The following DCLRE1B variants were observed in gnomAD, a reference collection of about 807,000 sequenced individuals.
The protein encoded by DCLRE1B is DNA cross-link repair 1B.
A neutral mutation model predicts 19.8 loss-of-function variants in DCLRE1B; 6 were observed. That is an observed-to-expected ratio of 0.30 (90% CI 0.17 to 0.60). The LOEUF (loss-of-function observed/expected upper bound fraction) is 0.60, where lower values mean the gene tolerates loss of function less well. DCLRE1B is among the 20% of genes least tolerant of loss of function. DCLRE1B has a pLI of 0.87. For synonymous variants in DCLRE1B, 258 were observed against 255.7 expected (o/e 1.01, Z -0.09); for missense variants, 622 against 654.2 (o/e 0.95, Z 0.54).
At chr1:113,907,756 G>A (rs1214806361) in intron 2 of DCLRE1B, among the ~76,000 whole-genome samples, 1 of 152,174 alleles carries the variant, frequency 6.6e-6, no homozygotes, top group African/African-American at 2.4e-5. Context: ...TTACAGGTGT[G>A]AGCCACTGCG....
chr1:113,911,012 T>G, intron 3 of DCLRE1B, 119 bp from the exon 4 acceptor site: 1 of 959,116 alleles, frequency 1.0e-6, no homozygotes, highest in Admixed American at 2.8e-5. Flanking sequence ...ATATTCTCCC[T>G]GGATTTCTCC....
intron 3 of DCLRE1B, among the ~76,000 whole-genome samples, chr1:113,910,441 C>G (rs1467433186): frequency 6.6e-6 from 1 of 152,134 alleles, no homozygotes; most frequent in Admixed American, 6.5e-5. Context: ...CTTGCCCATC[C>G]TTTAAGATTT....
chr1:113,911,921 T>C lies in DCLRE1B; in HGVS notation c.1329T>C (p.Ile443=). The C allele has an allele frequency of 6.2e-7, 1 of 1,614,178 alleles. No individual in the cohort carries two copies. The highest frequency in any genetic ancestry group is 8.5e-7 in the Non-Finnish European group (1 of 1,180,032). The change falls in exon 4 of 4, where the codon ATT becomes ATC. Residue 443 remains isoleucine, a synonymous_variant. Transcript: ENST00000650450. ...VHLRSTDEEF[I]SQKTREEIGL... ...TAAGGTCTACAGATGAGGAGTTTAT[T>C]TCTCAAAAAACCAGGGAGGAAATTG...
At position 113,912,039 on chromosome 1, in the gene DCLRE1B, C is replaced by T; in HGVS notation, c.1447C>T (p.Leu483=). 1 of 1,614,238 alleles carries T rather than the reference C, an allele frequency of 6.2e-7. No homozygotes were observed. The highest frequency in any genetic ancestry group is 8.5e-7 in the Non-Finnish European group (1 of 1,180,038). ...TGCCTGGATGGGCCATGGTTCTCCCCTGTCCCACAGCAGCAAGGGCACCCC... is the reference window on the plus strand; with the variant it reads ...TGCCTGGATGGGCCATGGTTCTCCCTTGTCCCACAGCAGCAAGGGCACCCC... ...QSAWMGHGSP[L]SHSSKGTPLL... is the part of the protein sequence containing the mutation. Residue 483 remains leucine, a synonymous_variant, in exon 4 of 4, where the codon CTG becomes TTG. Coordinates refer to ENST00000650450, the MANE Select transcript of DCLRE1B (RefSeq NM_022836.4).
At position 113,905,783 on chromosome 1, in the gene DCLRE1B, G is replaced by C. The variant is rs1337217407; in HGVS notation, c.189+8G>C. 1 of 1,604,544 alleles carries C rather than the reference G, an allele frequency of 6.2e-7. No homozygotes were observed. The highest frequency in any genetic ancestry group is 1.1e-5 in the South Asian group (1 of 90,438). ...TTGCATCGTCACCTACAGGTATGGGGCTGGAGTCGGTCTCCGAGAGCTGGT... is the reference window on the plus strand; with the variant it reads ...TTGCATCGTCACCTACAGGTATGGGCCTGGAGTCGGTCTCCGAGAGCTGGT... On this transcript the variant is annotated splice_region_variant and intron_variant, in intron 1 of 3. Coordinates refer to ENST00000650450, the MANE Select transcript of DCLRE1B (RefSeq NM_022836.4).
chr1:113,908,110 C>T lies in DCLRE1B; in HGVS notation c.457C>T (p.Leu153=). The T allele has an allele frequency of 6.2e-7, 1 of 1,614,224 alleles. No individual in the cohort carries two copies. Residue 153 remains leucine, a synonymous_variant, in exon 3 of 4, where the codon CTG becomes TTG. Transcript: ENST00000650450. ...YLDNTNCNPA[L]VLPSRQEAAH... is the part of the protein sequence containing the mutation. The stretch of plus-strand genomic sequence containing the variant: ...AGACAACACCAATTGCAATCCAGCC[C>T]TGGTTCTTCCTTCCCGACAAGAAGC...
chr1:113,909,127 T>G (rs1146148), intron 3 of DCLRE1B, among the ~76,000 whole-genome samples: 3,593 of 152,320 alleles, frequency 0.024, 146 homozygotes, highest in African/African-American at 0.082. Flanking sequence ...ACTATGGCAG[T>G]CTCTGTTTTA....
At position 113,912,228 on chromosome 1, in the gene DCLRE1B, AC is replaced by A; in HGVS notation, c.*38del. The A allele has an allele frequency of 6.5e-7, 1 of 1,547,076 alleles. No individual in the cohort carries two copies. Among genetic ancestry groups the A allele is most frequent in the Middle Eastern group, 1.8e-4 (1 of 5,480 alleles). On this transcript the variant is annotated 3_prime_UTR_variant, in exon 4 of 4. Transcript: ENST00000650450. ...TACAGAATGACAACATTGAGCCCAC[AC>A]TGCAGTTTTGAAGATAGTAACTGAT... is the stretch of plus-strand genomic sequence containing the variant.
chr1:113,905,343 C>G lies in DCLRE1B; in HGVS notation c.-244C>G. ...CAGCGCGCGCTTTGAGTGCCCGGCT[C>G]GGCCTCCGCTCCCGCGCGGTTGGGA... On this transcript the variant is annotated 5_prime_UTR_variant, in exon 1 of 4. Coordinates refer to ENST00000650450, the MANE Select transcript of DCLRE1B (RefSeq NM_022836.4). 2.0e-6 allele frequency: 1 copy of G among 512,650 alleles called. No homozygotes were observed. The highest frequency in any genetic ancestry group is 3.5e-5 in the East Asian group (1 of 28,774). The allele number at this position is 512,650 out of a possible 1,614,324, so 31.8% of individuals were successfully genotyped here.
chr1:113,912,514 T>C lies in DCLRE1B; in HGVS notation c.*323T>C, dbSNP rs1050092223. ...GTTTAACCCAGTATTTCTCAAACTT[T>C]TGTGAACATGCAATCATCTTATGTG... is the stretch of plus-strand genomic sequence containing the variant. On this transcript the variant is annotated 3_prime_UTR_variant, in exon 4 of 4. Coordinates refer to ENST00000650450, the MANE Select transcript of DCLRE1B (RefSeq NM_022836.4). The C allele has an allele frequency of 2.9e-5, 6 of 208,648 alleles. No homozygotes were observed. Among genetic ancestry groups the C allele is most frequent in the East Asian group, 1.1e-4 (1 of 8,782 alleles). The allele number at this position is 208,648 out of a possible 1,614,324, so 12.9% of individuals were successfully genotyped here.
chr1:113,908,083 C>T lies in DCLRE1B; in HGVS notation c.430C>T (p.Leu144=), dbSNP rs774530909. The change falls in exon 3 of 4, where the codon CTA becomes TTA. Residue 144 remains leucine (L), a synonymous_variant. Transcript: ENST00000650450. ...GGGGAAACAGATCCATACTTTATAC[C>T]TAGACAACACCAATTGCAATCCAGC... ...TLGKQIHTLY[L]DNTNCNPALV... 6.8e-6 allele frequency: 11 copies of T among 1,614,082 alleles called. No homozygotes were observed. The highest frequency in any genetic ancestry group is 5.3e-5 in the African/African-American group (4 of 74,928).
chr1:113,912,409 T>A lies in DCLRE1B; in HGVS notation c.*218T>A. ...TTATAACTAAGTTTAAGAAATACTT[T>A]TTTTATAAAATCTTTGGAGTATGCG... is the stretch of plus-strand genomic sequence containing the variant. On this transcript the variant is annotated 3_prime_UTR_variant, in exon 4 of 4. Coordinates refer to ENST00000650450, the MANE Select transcript of DCLRE1B (RefSeq NM_022836.4). 2 of 475,770 alleles carry A rather than the reference T, an allele frequency of 4.2e-6. No homozygotes were observed. The highest frequency in any genetic ancestry group is 3.7e-6 in the Non-Finnish European group (1 of 272,978). 29.5% of individuals were successfully genotyped at this position (475,770 alleles called of 1,614,324 possible).
chr1:113,913,982 A>AT lies in DCLRE1B; in HGVS notation c.*1791_*1792insT, dbSNP rs1669358506. On this transcript the variant is annotated 3_prime_UTR_variant, in exon 4 of 4. Transcript: ENST00000650450. ...AAAATGCCATTTTTAATATTTGTAT[A>AT]ATACCCTATCATGTGAGTATACCTT... 1 of 152,226 alleles carries AT rather than the reference A, an allele frequency of 6.6e-6. No individual in the cohort carries two copies. Among genetic ancestry groups the AT allele is most frequent in the Non-Finnish European group, 1.5e-5 (1 of 68,044 alleles). The allele number at this position is 152,226 out of a possible 1,614,324, so 9.4% of individuals were successfully genotyped here. A position where few individuals can be genotyped will look rare whatever the true frequency, so the allele number is the denominator to read the frequency against.
Position 113,911,919 on chromosome 1 carries a change from A to G in DCLRE1B, c.1327A>G (p.Ile443Val). ...VHLRSTDEEF[I>V]SQKTREEIGL... ...CTTAAGGTCTACAGATGAGGAGTTT[A>G]TTTCTCAAAAAACCAGGGAGGAAAT... Residue 443 changes from isoleucine to valine, a missense_variant, in exon 4 of 4, where the codon ATT becomes GTT. Transcript: ENST00000650450. 6.2e-7 allele frequency: 1 copy of G among 1,614,168 alleles called. No individual in the cohort carries two copies. The highest frequency in any genetic ancestry group is 8.5e-7 in the Non-Finnish European group (1 of 1,180,010).
upstream of DCLRE1B, chr1:113,905,021 G>A (rs1363774202): frequency 4.7e-6 from 2 of 423,892 alleles, no homozygotes; most frequent in Non-Finnish European, 4.4e-6. Flanking sequence ...CCAGCGCCGC[G>A]TCCGACTGAC....
chr1:113,908,817 A>G (rs1006962195), intron 3 of DCLRE1B, among the ~76,000 whole-genome samples: 1 of 152,162 alleles, frequency 6.6e-6, no homozygotes, highest in Non-Finnish European at 1.5e-5. Context: ...ACACACACAC[A>G]CACAAGCATA....
intron 3 of DCLRE1B, among the ~76,000 whole-genome samples, chr1:113,910,310 C>G (rs1156755795): frequency 1.3e-5 from 2 of 152,084 alleles, no homozygotes; most frequent in Admixed American, 1.3e-4. Flanking sequence ...ATTATATGGC[C>G]CTTGCTTGCC....
chr1:113,911,646 G>A lies in DCLRE1B; in HGVS notation c.1054G>A (p.Val352Ile). The change falls in exon 4 of 4, where the codon GTT becomes ATT. Residue 352 changes from valine to isoleucine, a missense_variant. Val to Ile is a conservative substitution (Grantham distance 29, BLOSUM62 3). This residue lies in a region of DCLRE1B where 382 missense variants were observed against 412.5 expected (regional missense o/e 0.93). Coordinates refer to ENST00000650450, the MANE Select transcript of DCLRE1B (RefSeq NM_022836.4). ...RRLKRPRTQG[V>I]VFESPEESAD... ...GCTAAAGAGGCCGAGAACCCAAGGT[G>A]TTGTGTTTGAATCCCCTGAGGAAAG... is the stretch of plus-strand genomic sequence containing the variant. The A allele has an allele frequency of 6.2e-7, 1 of 1,606,972 alleles. No individual in the cohort carries two copies.
At chr1:113,908,338 T>A (rs1021746448) in intron 3 of DCLRE1B, 147 bp downstream of exon 3, 30 of 1,133,070 alleles carry the variant, frequency 2.6e-5, no homozygotes, top group Non-Finnish European at 3.3e-5. Context: ...CTAGGTGTGG[T>A]GGTTCATGCC....
Sources: gnomAD v4.1 joint callset for allele counts (sites outside exome capture counted in the v4.1 genomes callset) on GRCh38, gnomAD v4.1.1 for gene constraint, gnomAD v4.1.1 regional missense constraint, MANE v1.5 for transcripts, NCBI Gene and HGNC (gene_info 2026-07-23, HGNC 2026-07-21) for gene names.